RNF111: variants seen among roughly 807,000 people sequenced by gnomAD.
RNF111 encodes the protein E3 ubiquitin-protein ligase Arkadia.
Under a neutral mutation model 95.1 loss-of-function variants are expected in RNF111, and 17 were observed. The observed-to-expected ratio is 0.18, with a 90% confidence interval of 0.12 to 0.27. RNF111 has a LOEUF of 0.27. Ranked by LOEUF, RNF111 falls within the 10% of genes least tolerant of loss-of-function variation. RNF111 has a pLI of 1.00. For synonymous variants in RNF111, 440 were observed against 414.8 expected (o/e 1.06, Z -0.74); for missense variants, 1,189 against 1,210.4 (o/e 0.98, Z 0.26).
At position 59,094,736 on chromosome 15, in the gene RNF111, A is replaced by G. The variant is rs762030192; in HGVS notation, c.2844-47A>G. On this transcript the variant is annotated intron_variant, in intron 13 of 13. Transcript: ENST00000348370. ...ATATATAATTTGTTAACTACGTACAATTATCATAAAATTAATTTTTGCTTT... is the reference window on the plus strand; with the variant it reads ...ATATATAATTTGTTAACTACGTACAGTTATCATAAAATTAATTTTTGCTTT... 2.5e-5 allele frequency: 26 copies of G among 1,052,744 alleles called. No homozygotes were observed. The African/African-American group carries it at 3.3e-4, about 13-fold the overall frequency. 65.2% of individuals were successfully genotyped at this position (1,052,744 alleles called of 1,614,324 possible).
At chr15:58,997,224 C>T (rs1001332589) in intron 1 of RNF111, among the ~76,000 whole-genome samples, 1 of 152,142 alleles carries the variant, frequency 6.6e-6, no homozygotes, top group African/African-American at 2.4e-5. Context: ...GAAGATGTAT[C>T]TCTTTCCTCC....
chr15:59,067,256 ACTCC>A (rs148328045), intron 6 of RNF111, among the ~76,000 whole-genome samples, 173 bp downstream of exon 6: 40,744 of 129,278 alleles, frequency 0.32, 5,746 homozygotes, highest in Middle Eastern at 0.48. Context: ...TTTTTTTTTA[ACTCC>A]CTCCCATTCT....
intron 6 of RNF111, among the ~76,000 whole-genome samples, chr15:59,075,269 C>T (rs1365595697): frequency 4.6e-5 from 7 of 152,084 alleles, no homozygotes; most frequent in Admixed American, 6.6e-5. Flanking sequence ...CAAAAAACCC[C>T]GAACATCTGC....
At chr15:59,086,082 G>T (rs1204191227) in intron 10 of RNF111, among the ~76,000 whole-genome samples, 2 of 152,042 alleles carry the variant, frequency 1.3e-5, no homozygotes, top group Admixed American at 1.3e-4. Context: ...TTTGCCGTAA[G>T]TGGTAATAGA....
rs1233464687 is a variant in RNF111 at position 59,091,137 on chromosome 15, C to A, written c.2722C>A (p.Pro908Thr). ...GGGGACAATTGAAAGATGTACATAT[C>A]CACATAAATACAAAAAGGTAAGAAT... ...SQGTIERCTY[P>T]HKYKKRKLHC... The change falls in exon 12 of 14, where the codon CCA becomes ACA. Residue 908 changes from proline (P) to threonine (T), a missense_variant. Physicochemically the swap from Pro to Thr is conservative, Grantham distance 38. This residue lies in a region of RNF111 where 165 missense variants were observed against 284.6 expected (regional missense o/e 0.58). Coordinates refer to ENST00000348370, the MANE Select transcript of RNF111 (RefSeq NM_017610.8). The A allele has an allele frequency of 1.3e-6, 2 of 1,594,808 alleles. No homozygotes were observed. The highest frequency in any genetic ancestry group is 1.7e-6 in the Non-Finnish European group (2 of 1,164,386).
intron 2 of RNF111, among the ~76,000 whole-genome samples, chr15:59,041,815 G>A (rs1411009930): frequency 6.6e-6 from 1 of 151,948 alleles, no homozygotes; most frequent in African/African-American, 2.4e-5. Flanking sequence ...GGGGTTTTTG[G>A]TCCGTCTGAT....
At chr15:58,993,994 T>G (rs1320285183) in intron 1 of RNF111, among the ~76,000 whole-genome samples, 2 of 151,924 alleles carry the variant, frequency 1.3e-5, no homozygotes, top group Non-Finnish European at 2.9e-5. Flanking sequence ...AAATTACTTA[T>G]TTTACTATCT....
At chr15:59,085,342 G>T (rs1382809050) in intron 9 of RNF111, among the ~76,000 whole-genome samples, 2 of 152,136 alleles carry the variant, frequency 1.3e-5, no homozygotes, top group Non-Finnish European at 2.9e-5. Flanking sequence ...TAAATTCTAT[G>T]TTGTATGCTC....
At chr15:59,009,099 A>G (rs2039672832) in intron 1 of RNF111, among the ~76,000 whole-genome samples, 1 of 152,122 alleles carries the variant, frequency 6.6e-6, no homozygotes, top group Non-Finnish European at 1.5e-5. Context: ...AGCTGGGATT[A>G]TAGGTGCACC....
At chr15:59,015,006 C>T (rs887784054) in intron 1 of RNF111, among the ~76,000 whole-genome samples, 1 of 152,178 alleles carries the variant, frequency 6.6e-6, no homozygotes, top group African/African-American at 2.4e-5. Context: ...GCCTTGGCCT[C>T]CGTAAGTGCT....
chr15:59,013,924 G>T (rs1229958582), intron 1 of RNF111, among the ~76,000 whole-genome samples: 1 of 151,852 alleles, frequency 6.6e-6, no homozygotes, highest in African/African-American at 2.4e-5. Context: ...GAGTAGCTGG[G>T]GTTACAGGCA....
chr15:59,029,934 G>A (rs1396294229), intron 1 of RNF111, among the ~76,000 whole-genome samples: 18 of 152,044 alleles, frequency 1.2e-4, no homozygotes. Context: ...CACTAGTAAA[G>A]CTCTTCATTT....
chr15:59,004,992 CAGTG>C (rs775783119), intron 1 of RNF111, among the ~76,000 whole-genome samples: 5 of 152,130 alleles, frequency 3.3e-5, no homozygotes, highest in Non-Finnish European at 7.4e-5. Flanking sequence ...GGCATATAAT[CAGTG>C]AGCAGAAGGG....
At chr15:59,060,955 A>G (rs1335087348) in intron 5 of RNF111, among the ~76,000 whole-genome samples, 1 of 151,824 alleles carries the variant, frequency 6.6e-6, no homozygotes, top group Non-Finnish European at 1.5e-5. Flanking sequence ...ACGTCCGGCT[A>G]ATTTTTGTAT....
chr15:58,995,764 CTTTTTTTTTTTT>C (rs34209382), intron 1 of RNF111, among the ~76,000 whole-genome samples: 1 of 99,528 alleles, frequency 1.0e-5, no homozygotes, highest in Non-Finnish European at 1.9e-5. Context: ...GTGCCCCGGC[CTTTTTTTTTTTT>C]TTTTTTTTTT....
At position 59,089,711 on chromosome 15, in the gene RNF111, A is replaced by C. The variant is rs1171256444; in HGVS notation, c.2595A>C (p.Ser865=). The change falls in exon 11 of 14, where the codon TCA becomes TCC. Residue 865 remains serine (S), a synonymous_variant. Coordinates refer to ENST00000348370, the MANE Select transcript of RNF111 (RefSeq NM_017610.8). The stretch of plus-strand genomic sequence containing the variant: ...ATCCTCACATCCGTTACATTTCATC[A>C]GGATTGGATGGAACATCATTCAGAG... ...AGYPHIRYIS[S]GLDGTSFRGP... The C allele has an allele frequency of 2.5e-6, 4 of 1,613,730 alleles. No individual in the cohort carries two copies. Among genetic ancestry groups the C allele is most frequent in the Non-Finnish European group, 3.4e-6 (4 of 1,179,830 alleles).
chr15:58,989,457 A>G (rs1243487952), intron 1 of RNF111, among the ~76,000 whole-genome samples: 2 of 152,202 alleles, frequency 1.3e-5, no homozygotes, highest in African/African-American at 4.8e-5. Context: ...TTATAAATCT[A>G]AATAATATTT....
At chr15:58,988,709 A>G (rs754513283) in intron 1 of RNF111, among the ~76,000 whole-genome samples, 1 of 152,240 alleles carries the variant, frequency 6.6e-6, no homozygotes, top group Non-Finnish European at 1.5e-5. Flanking sequence ...ACAGATGGGT[A>G]TTTCTCAACC....
At chr15:59,089,188 C>A (rs571549421) in intron 10 of RNF111, among the ~76,000 whole-genome samples, 2 of 152,044 alleles carry the variant, frequency 1.3e-5, no homozygotes, top group South Asian at 4.2e-4. Context: ...CATATGTAAT[C>A]CATAAATAAT....
Sources: allele counts gnomAD v4.1 joint callset (sites outside exome capture counted in the v4.1 genomes callset), GRCh38; gene constraint gnomAD v4.1.1; regional missense constraint gnomAD v4.1.1; transcripts MANE v1.5; gene names NCBI Gene and HGNC (gene_info 2026-07-23, HGNC 2026-07-21).